RNF212B: variants seen among roughly 807,000 people sequenced by gnomAD.
The protein encoded by RNF212B is ring finger protein 212B.
In RNF212B, 52 loss-of-function variants were observed where a neutral mutation model predicts 55.5. The ratio of observed to expected loss-of-function variants is 0.94; its 90% CI spans 0.75 to 1.18. The LOEUF is 1.18. Ranked by LOEUF, RNF212B falls within the 50% of genes most tolerant of loss-of-function variation. The pLI, the probability that RNF212B is intolerant of heterozygous loss-of-function variation, is 0.00. For synonymous variants in RNF212B, 99 were observed against 121.4 expected (o/e 0.82, Z 1.21); for missense variants, 289 against 350.4 (o/e 0.82, Z 1.40).
At chr14:23,201,954 T>C (rs1242937098) in intron 2 of RNF212B, among the ~76,000 whole-genome samples, 5 of 152,170 alleles carry the variant, frequency 3.3e-5, no homozygotes, top group Non-Finnish European at 5.9e-5. Flanking sequence ...TTATAAACTT[T>C]ATTAAGGAGT....
chr14:23,227,516 T>C (rs946485444), intron 2 of RNF212B, among the ~76,000 whole-genome samples: 1 of 152,186 alleles, frequency 6.6e-6, no homozygotes, highest in East Asian at 1.9e-4. Flanking sequence ...ATAGGCATAC[T>C]TCTGTATGTA....
At chr14:23,219,933 C>A (rs1257246197) in intron 2 of RNF212B, among the ~76,000 whole-genome samples, 1 of 152,022 alleles carries the variant, frequency 6.6e-6, no homozygotes, top group Non-Finnish European at 1.5e-5. Flanking sequence ...CCTGTAATCC[C>A]AGCATTTTGG....
intron 2 of RNF212B, among the ~76,000 whole-genome samples, chr14:23,205,628 T>C (rs1879761980): frequency 6.6e-6 from 1 of 152,216 alleles, no homozygotes; most frequent in African/African-American, 2.4e-5. Context: ...TGTTCATTCC[T>C]GGGCATGGGC....
At chr14:23,226,968 G>T (rs567535592) in intron 2 of RNF212B, among the ~76,000 whole-genome samples, 1 of 151,838 alleles carries the variant, frequency 6.6e-6, no homozygotes, top group African/African-American at 2.4e-5. Flanking sequence ...TGATTGTGGT[G>T]GTGGCCTCAC....
rs1886208613 is a variant in RNF212B at position 23,272,809 on chromosome 14, G to A, written c.835-14G>A. On this transcript the variant is annotated splice_polypyrimidine_tract_variant and intron_variant, in intron 14 of 14. Coordinates refer to ENST00000430154, the MANE Select transcript of RNF212B (RefSeq NM_001282322.3). ...TATAAACACCCACATCTACCTTCTT[G>A]TCCTCTGCTGCAGACTCTCTACCAA... 6.5e-7 allele frequency: 1 copy of A among 1,540,728 alleles called. No homozygotes were observed. Among genetic ancestry groups the A allele is most frequent in the South Asian group, 1.2e-5 (1 of 83,842 alleles).
At chr14:23,210,926 G>T (rs1461887840) in intron 2 of RNF212B, among the ~76,000 whole-genome samples, 1 of 151,772 alleles carries the variant, frequency 6.6e-6, no homozygotes, top group African/African-American at 2.4e-5. Flanking sequence ...TTTACAAAAA[G>T]ATAATGAATA....
intron 14 of RNF212B, among the ~76,000 whole-genome samples, chr14:23,271,160 C>A (rs1018399959): frequency 6.6e-6 from 1 of 152,014 alleles, no homozygotes; most frequent in Non-Finnish European, 1.5e-5. Context: ...GAAAAGTCAC[C>A]GGGGGCGGTG....
Position 23,262,932 on chromosome 14 carries a change from C to T in RNF212B, c.486C>T (p.Thr162=). Residue 162 remains threonine, a synonymous_variant, in exon 9 of 15, where the codon ACC becomes ACT. Transcript: ENST00000430154. ...VGITSPSQSV[T]PRPSFQHSSQ... is the part of the protein sequence containing the mutation. Reference sequence around the variant, plus strand: ...CTGTACTTTATTCTCTTTCAGTTACCCCACGACCCAGTTTCCAGCATAGCA... The same window carrying T: ...CTGTACTTTATTCTCTTTCAGTTACTCCACGACCCAGTTTCCAGCATAGCA... 6.4e-7 allele frequency: 1 copy of T among 1,550,446 alleles called. No homozygotes were observed. Among genetic ancestry groups the T allele is most frequent in the South Asian group, 1.2e-5 (1 of 84,062 alleles).
intron 2 of RNF212B, among the ~76,000 whole-genome samples, chr14:23,196,375 T>C (rs952787681): frequency 7.2e-5 from 11 of 152,074 alleles, no homozygotes; most frequent in African/African-American, 2.7e-4. Context: ...TCACCACTGC[T>C]CTCTGTGCCA....
At chr14:23,213,989 T>G (rs1164869486) in intron 2 of RNF212B, among the ~76,000 whole-genome samples, 1 of 152,074 alleles carries the variant, frequency 6.6e-6, no homozygotes, top group Non-Finnish European at 1.5e-5. Flanking sequence ...TTCAATGAAT[T>G]GGGTGTACCT....
chr14:23,247,370 C>T (rs1257340485), intron 4 of RNF212B, among the ~76,000 whole-genome samples: 5 of 152,118 alleles, frequency 3.3e-5, no homozygotes, highest in Non-Finnish European at 5.9e-5. Flanking sequence ...TTCATCACCC[C>T]AGAAAGAAGC....
rs369545176 is a variant in RNF212B at position 23,224,781 on chromosome 14, C to A, written c.-1-15564C>A. Among the ~76,000 whole-genome samples the A allele has an allele frequency of 2.9e-4, 44 of 152,184 alleles. 1 individual carries two copies. In the South Asian group the frequency reaches 7.3e-3, roughly 25 times the overall value. On this transcript the variant is annotated intron_variant, in intron 2 of 15. Transcript: ENST00000399910. ...ATCACATCAAGTTAAAAAGCTTCTG[C>A]ACAGCAAAGGAAACAATCAACAAAG...
chr14:23,252,305 C>A (rs1457692112), intron 4 of RNF212B, among the ~76,000 whole-genome samples: 1 of 152,002 alleles, frequency 6.6e-6, no homozygotes, highest in East Asian at 1.9e-4. Flanking sequence ...TGTGAGGAAC[C>A]AGGGGCGAAG....
chr14:23,251,514 T>C (rs1333414291), intron 4 of RNF212B, among the ~76,000 whole-genome samples: 1 of 152,210 alleles, frequency 6.6e-6, no homozygotes, highest in African/African-American at 2.4e-5. Flanking sequence ...ACCAGTTTAT[T>C]ATAAAAGATA....
At chr14:23,227,627 G>T (rs1475986006) in intron 2 of RNF212B, among the ~76,000 whole-genome samples, 1 of 151,788 alleles carries the variant, frequency 6.6e-6, no homozygotes, top group Non-Finnish European at 1.5e-5. Context: ...TTTGAGACTA[G>T]TTCTCGCCCT....
At chr14:23,218,144 G>A (rs1330322755) in intron 2 of RNF212B, among the ~76,000 whole-genome samples, 1 of 151,898 alleles carries the variant, frequency 6.6e-6, no homozygotes, top group African/African-American at 2.4e-5. Flanking sequence ...TGAGGTGGGC[G>A]GATCACGAGG....
At chr14:23,235,526 C>A (rs1883036791), upstream of RNF212B, among the ~76,000 whole-genome samples, 1 of 152,192 alleles carries the variant, frequency 6.6e-6, no homozygotes, top group Non-Finnish European at 1.5e-5. Context: ...TGCCTTGCCA[C>A]TTCAAGGAAA....
chr14:23,188,630 CA>C (rs772845985), intron 1 of RNF212B, among the ~76,000 whole-genome samples: 1 of 151,966 alleles, frequency 6.6e-6, no homozygotes, highest in Non-Finnish European at 1.5e-5. Context: ...CTATGCCTGG[CA>C]AATTTTTAAA....
intron 4 of RNF212B, 144 bp from the exon 5 acceptor site, chr14:23,258,405 C>G: frequency 1.1e-5 from 4 of 347,966 alleles, no homozygotes; most frequent in East Asian, 9.7e-5. Flanking sequence ...CTCTCTAGTT[C>G]TGGGAAGTTG....
Sources: allele counts gnomAD v4.1 joint callset (sites outside exome capture counted in the v4.1 genomes callset), GRCh38; gene constraint gnomAD v4.1.1; transcripts MANE v1.5; gene names NCBI Gene and HGNC (gene_info 2026-07-23, HGNC 2026-07-21).